The following LINGO2 variants were observed in gnomAD, a reference collection of about 807,000 sequenced individuals.
The protein encoded by LINGO2 is leucine rich repeat and Ig domain containing 2.
LINGO2 carries 14 observed loss-of-function variants against 30.6 expected under a neutral mutation model. That is an observed-to-expected ratio of 0.46 (90% CI 0.30 to 0.72). LINGO2 has a LOEUF of 0.72. Ranked by LOEUF, LINGO2 falls within the 30% of genes least tolerant of loss-of-function variation. The pLI is 0.07. For synonymous variants in LINGO2, 317 were observed against 288.5 expected, an observed-to-expected ratio of 1.10 and a Z score of -1.00; for missense variants, 729 against 751.7, an observed-to-expected ratio of 0.97 and a Z score of 0.35.
the LINGO2 span, among the ~76,000 whole-genome samples, chr9:28,929,752 A>G: frequency 1.3e-5 from 2 of 152,174 alleles, no homozygotes; most frequent in African/African-American, 2.4e-5. Flanking sequence ...CTACGTTAAT[A>G]TTTTTATAGC....
the LINGO2 span, among the ~76,000 whole-genome samples, chr9:29,021,743 A>G: frequency 6.6e-6 from 1 of 151,550 alleles, no homozygotes; most frequent in Non-Finnish European, 1.5e-5. Flanking sequence ...GAAGGAAGGA[A>G]GGAAAGCATT....
chr9:29,005,373 T>C, the LINGO2 span, among the ~76,000 whole-genome samples: 2 of 151,674 alleles, frequency 1.3e-5, no homozygotes, highest in Admixed American at 6.6e-5. Context: ...CATAGATTAA[T>C]AGAAAAATAT....
At chr9:28,351,918 G>A (rs1008568920) in intron 3 of LINGO2, among the ~76,000 whole-genome samples, 4 of 150,628 alleles carry the variant, frequency 2.7e-5, no homozygotes, top group African/African-American at 9.8e-5. Context: ...TATCTCAATA[G>A]ATGCAGAAAA....
intron 1 of LINGO2, among the ~76,000 whole-genome samples, chr9:28,642,786 A>G (rs1282273032): frequency 6.6e-6 from 1 of 152,124 alleles, no homozygotes; most frequent in Admixed American, 6.5e-5. Flanking sequence ...ATTATCTTTC[A>G]ACTACAGAAC....
At chr9:28,194,132 T>C (rs1478132493) in intron 4 of LINGO2, among the ~76,000 whole-genome samples, 1 of 152,082 alleles carries the variant, frequency 6.6e-6, no homozygotes, top group Non-Finnish European at 1.5e-5. Flanking sequence ...TGAAGTCAAA[T>C]AGTAAGAACA....
the LINGO2 span, among the ~76,000 whole-genome samples, chr9:29,032,864 T>C: frequency 2.6e-5 from 4 of 152,170 alleles, no homozygotes; most frequent in Non-Finnish European, 5.9e-5. Flanking sequence ...ATATAGAACA[T>C]TTCCATCATT....
chr9:28,047,064 A>G lies in LINGO2; in HGVS notation c.-86-34659T>C, dbSNP rs1824455487. 3.9e-5 allele frequency among the ~76,000 whole-genome samples: 6 copies of G among 152,108 alleles called. No homozygotes were observed. The South Asian group carries it at 1.2e-3, about 32-fold the overall frequency. ...GCTTAGCAGATTGTAGGGAACCCAAACAATCCCCATAAGCAGACAGTAAAT... is the reference window on the plus strand; with the variant it reads ...GCTTAGCAGATTGTAGGGAACCCAAGCAATCCCCATAAGCAGACAGTAAAT... On this transcript the variant is annotated intron_variant, in intron 4 of 5. Transcript: ENST00000379992.
chr9:29,071,026 A>G, the LINGO2 span, among the ~76,000 whole-genome samples: 1 of 150,912 alleles, frequency 6.6e-6, no homozygotes, highest in South Asian at 2.1e-4. Flanking sequence ...CTATTAGAAA[A>G]CAAAAAAACA....
chr9:28,079,566 T>G (rs1054423653), intron 4 of LINGO2, among the ~76,000 whole-genome samples: 45 of 152,322 alleles, frequency 3.0e-4, no homozygotes, highest in African/African-American at 8.2e-4. Context: ...AGCACAATAA[T>G]TTTTTAGATC....
At chr9:29,197,740 A>T in the LINGO2 span, among the ~76,000 whole-genome samples, 2 of 152,130 alleles carry the variant, frequency 1.3e-5, no homozygotes, top group African/African-American at 4.8e-5. Context: ...AGAGTGTTTC[A>T]TATTACTTAT....
At chr9:28,491,133 A>G (rs753984368) in intron 1 of LINGO2, among the ~76,000 whole-genome samples, 8 of 152,220 alleles carry the variant, frequency 5.3e-5, no homozygotes, top group Non-Finnish European at 1.2e-4. Context: ...GTGGCTTTAA[A>G]CAGCACAAAT....
intron 4 of LINGO2, among the ~76,000 whole-genome samples, chr9:28,198,648 A>G (rs761333615): frequency 6.6e-6 from 1 of 152,142 alleles, no homozygotes; most frequent in Non-Finnish European, 1.5e-5. Flanking sequence ...AACAAAAATC[A>G]TCATTTTTTT....
chr9:28,013,594 TGAG>T (rs1284344244), intron 4 of LINGO2, among the ~76,000 whole-genome samples: 1 of 152,206 alleles, frequency 6.6e-6, no homozygotes, highest in African/African-American at 2.4e-5. Flanking sequence ...GGGGAGTGAA[TGAG>T]AAGAAGCTGA....
At chr9:28,244,921 T>C (rs1444336057) in intron 4 of LINGO2, among the ~76,000 whole-genome samples, 1 of 151,994 alleles carries the variant, frequency 6.6e-6, no homozygotes, top group Admixed American at 6.6e-5. Flanking sequence ...TTCGAAATAA[T>C]TGAAAAGTAA....
chr9:28,268,404 CAG>C (rs1271829847), intron 4 of LINGO2, among the ~76,000 whole-genome samples: 2 of 152,064 alleles, frequency 1.3e-5, no homozygotes, highest in Non-Finnish European at 2.9e-5. Context: ...GAACCTAGAA[CAG>C]AGTTTCCATG....
At chr9:28,358,926 G>A (rs1179630887) in intron 3 of LINGO2, among the ~76,000 whole-genome samples, 2 of 152,156 alleles carry the variant, frequency 1.3e-5, no homozygotes, top group Non-Finnish European at 2.9e-5. Flanking sequence ...CTGCTGCTAA[G>A]GGGGAATCTG....
intron 5 of LINGO2, among the ~76,000 whole-genome samples, chr9:27,994,125 T>G (rs1349249601): frequency 6.6e-6 from 1 of 151,930 alleles, no homozygotes; most frequent in Non-Finnish European, 1.5e-5. Flanking sequence ...AACAACATAC[T>G]AAAACCTATA....
At position 28,397,491 on chromosome 9, in the gene LINGO2, A is replaced by C. The variant is rs556932707; in HGVS notation, c.-278-24623T>G. ...ATTTAACAGCCACATTTTGGATTTT[A>C]CAAGAAGACATTTTATTGTTAACTA... On this transcript the variant is annotated intron_variant, in intron 2 of 5. Coordinates refer to ENST00000379992, the Ensembl canonical transcript of LINGO2. 5.3e-5 allele frequency among the ~76,000 whole-genome samples: 8 copies of C among 150,624 alleles called. No individual in the cohort carries two copies. The East Asian group carries it at 5.8e-4, about 11-fold the overall frequency.
At chr9:29,051,307 T>C in the LINGO2 span, among the ~76,000 whole-genome samples, 4 of 152,152 alleles carry the variant, frequency 2.6e-5, no homozygotes, top group Admixed American at 6.5e-5. Flanking sequence ...CATTGCTCCC[T>C]CCCCAACCTT....
Sources: gnomAD v4.1 joint callset for allele counts (sites outside exome capture counted in the v4.1 genomes callset) on GRCh38, gnomAD v4.1.1 for gene constraint, MANE v1.5 for transcripts, NCBI Gene and HGNC (gene_info 2026-07-23, HGNC 2026-07-21) for gene names.